CA10: variants seen among roughly 807,000 people sequenced by gnomAD.
CA10 encodes the protein carbonic anhydrase-related protein 10.
CA10 carries 14 observed loss-of-function variants against 44.2 expected under a neutral mutation model. The observed-to-expected ratio is 0.32, with a 90% confidence interval of 0.21 to 0.50. CA10 has a LOEUF of 0.50. Ranked by LOEUF, CA10 falls within the 20% of genes least tolerant of loss-of-function variation. The pLI is 0.99. For synonymous variants in CA10, 159 were observed against 141.6 expected (o/e 1.12, Z -0.87); for missense variants, 350 against 409.7 (o/e 0.85, Z 1.26).
chr17:51,787,180 G>A (rs1270013394), intron 3 of CA10, among the ~76,000 whole-genome samples: 1 of 152,136 alleles, frequency 6.6e-6, no homozygotes, highest in Non-Finnish European at 1.5e-5. Flanking sequence ...GGGTAATACT[G>A]GCCTCATAGA....
In CA10 at chr17:52,125,288, G is replaced by C. The variant is rs75423011; in HGVS notation, c.61+32438C>G. 9.2e-3 allele frequency among the ~76,000 whole-genome samples: 1,407 copies of C among 152,252 alleles called. 13 individuals carry two copies. The highest frequency in any genetic ancestry group is 0.03 in the African/African-American group (1,231 of 41,554). On this transcript the variant is annotated intron_variant, in intron 1 of 8. Coordinates refer to ENST00000451037, the MANE Select transcript of CA10 (RefSeq NM_020178.5). ...TTTCCAGTGCTACTGTAGTGTGAAG[G>C]ATCCCCCATCAGGTTACTTAAGGGT... is the stretch of plus-strand genomic sequence containing the variant.
At chr17:51,868,493 A>T (rs9915777) in intron 3 of CA10, among the ~76,000 whole-genome samples, 19,308 of 152,162 alleles carry the variant, frequency 0.13, 1,584 homozygotes, top group African/African-American at 0.24. Context: ...GATTTATCCC[A>T]GAACTGACCT....
At chr17:51,727,696 T>C (rs1916573822) in intron 4 of CA10, among the ~76,000 whole-genome samples, 1 of 152,202 alleles carries the variant, frequency 6.6e-6, no homozygotes, top group South Asian at 2.1e-4. Context: ...GCTTCATTAA[T>C]TTTTTTAAAG....
At chr17:51,831,711 G>T (rs567639216) in intron 3 of CA10, among the ~76,000 whole-genome samples, 61 of 102,416 alleles carry the variant, frequency 6.0e-4, no homozygotes, top group African/African-American at 2.0e-3. Flanking sequence ...AGCAGCAGCA[G>T]CAGCAGCAGC....
chr17:52,110,135 T>C (rs1988759254), intron 1 of CA10, among the ~76,000 whole-genome samples: 1 of 152,208 alleles, frequency 6.6e-6, no homozygotes, highest in South Asian at 2.1e-4. Flanking sequence ...TATAAGCATG[T>C]GATAAAATCT....
At chr17:52,069,867 C>T (rs775903348) in intron 2 of CA10, among the ~76,000 whole-genome samples, 18 of 152,130 alleles carry the variant, frequency 1.2e-4, no homozygotes, top group Non-Finnish European at 2.4e-4. Context: ...ACTTATGGGA[C>T]GATAAAACTA....
chr17:52,113,672 T>A (rs1461219107), intron 1 of CA10, among the ~76,000 whole-genome samples: 1 of 152,228 alleles, frequency 6.6e-6, no homozygotes, highest in African/African-American at 2.4e-5. Context: ...CCACATGATG[T>A]AAATTTGTTA....
chr17:52,020,163 T>C (rs1986091797), intron 2 of CA10, among the ~76,000 whole-genome samples: 1 of 152,032 alleles, frequency 6.6e-6, no homozygotes, highest in Admixed American at 6.6e-5. Context: ...TGTTTACCGC[T>C]GGTAATATTT....
intron 1 of CA10, among the ~76,000 whole-genome samples, chr17:52,148,955 G>T (rs191156962): frequency 1.3e-3 from 195 of 152,252 alleles, no homozygotes; most frequent in Non-Finnish European, 1.9e-3. Context: ...TTACTTTATT[G>T]TTTATTTCAA....
intron 1 of CA10, 65 bp from the exon 2 acceptor site, chr17:52,072,458 G>A (rs186039412): frequency 2.5e-5 from 29 of 1,163,858 alleles, no homozygotes; most frequent in South Asian, 1.3e-4. Context: ...CCGGCTGTCC[G>A]AGTAAGAAGG....
intron 3 of CA10, among the ~76,000 whole-genome samples, chr17:51,822,937 A>C (rs903785821): frequency 6.6e-6 from 1 of 152,196 alleles, no homozygotes; most frequent in African/African-American, 2.4e-5. Context: ...ACAATGGCCT[A>C]AGGAGGAGAC....
chr17:52,056,925 GTTTAT>G (rs1987245262), intron 2 of CA10, among the ~76,000 whole-genome samples: 1 of 151,982 alleles, frequency 6.6e-6, no homozygotes, highest in Non-Finnish European at 1.5e-5. Flanking sequence ...TAGTGCTATT[GTTTAT>G]TTTATATGAA....
intron 4 of CA10, among the ~76,000 whole-genome samples, chr17:51,667,066 A>G (rs1367710101): frequency 6.6e-6 from 1 of 152,258 alleles, no homozygotes; most frequent in Non-Finnish European, 1.5e-5. Context: ...ATCCAGGGAT[A>G]GTCATATTGA....
Position 51,655,738 on chromosome 17 carries a change from A to G in CA10, c.466-2002T>C, listed in dbSNP as rs75964148. On this transcript the variant is annotated intron_variant, in intron 4 of 8. Transcript: ENST00000451037. ...ATCCCATCAATGCCTAGTCAGATGG[A>G]CAGTACCTTGAATCTGAGAATATCC... Among the ~76,000 whole-genome samples, 586 of 152,394 alleles carry G rather than the reference A, an allele frequency of 3.8e-3. 1 individual carries two copies. The highest frequency in any genetic ancestry group is 5.3e-3 in the Non-Finnish European group (361 of 68,042).
chr17:51,707,671 A>ATGTGTGTGTGTGTGTGTGTGTGTGTGTG (rs3031847), intron 4 of CA10, among the ~76,000 whole-genome samples: 1 of 143,006 alleles, frequency 7.0e-6, no homozygotes, highest in Admixed American at 6.9e-5. Flanking sequence ...GTGGATGAAT[A>ATGTGTGTGTGTGTGTGTGTGTGTGTGTG]TGTGTGTGTG....
intron 4 of CA10, among the ~76,000 whole-genome samples, chr17:51,706,639 G>C (rs1056700356): frequency 6.6e-6 from 1 of 152,094 alleles, no homozygotes; most frequent in Admixed American, 6.5e-5. Flanking sequence ...CCACTCCCCT[G>C]CTTGAAGATG....
intron 3 of CA10, among the ~76,000 whole-genome samples, chr17:51,768,420 G>C (rs751815894): frequency 3.3e-5 from 5 of 152,122 alleles, no homozygotes; most frequent in African/African-American, 1.2e-4. Flanking sequence ...TTCTACGATT[G>C]CCAATAAATA....
intron 4 of CA10, among the ~76,000 whole-genome samples, chr17:51,719,319 C>T (rs1916277555): frequency 6.6e-6 from 1 of 152,198 alleles, no homozygotes; most frequent in African/African-American, 2.4e-5. Context: ...GCAATAGCTA[C>T]ACCTCTCACC....
intron 1 of CA10, among the ~76,000 whole-genome samples, chr17:52,105,346 C>T (rs1988636996): frequency 6.6e-6 from 1 of 152,114 alleles, no homozygotes; most frequent in African/African-American, 2.4e-5. Context: ...GCTCCGCCTC[C>T]CGGGTTCACA....
Sources: allele counts gnomAD v4.1 joint callset (sites outside exome capture counted in the v4.1 genomes callset), GRCh38; gene constraint gnomAD v4.1.1; transcripts MANE v1.5; gene names NCBI Gene and HGNC (gene_info 2026-07-23, HGNC 2026-07-21).